Variants in GRIP1 observed in about 807,000 individuals in gnomAD.
GRIP1 encodes glutamate receptor-interacting protein 1.
A neutral mutation model predicts 129.9 loss-of-function variants in GRIP1; 45 were observed. The ratio of observed to expected loss-of-function variants is 0.35; its 90% CI spans 0.27 to 0.44. The LOEUF is 0.44. Ranked by LOEUF, GRIP1 falls within the 20% of genes least tolerant of loss-of-function variation. The pLI is 1.00. For synonymous variants in GRIP1, 530 were observed against 520.8 expected, an observed-to-expected ratio of 1.02 and a Z score of -0.24; for missense variants, 1,196 against 1,396.8, an observed-to-expected ratio of 0.86 and a Z score of 2.29.
intron 1 of GRIP1, among the ~76,000 whole-genome samples, chr12:66,617,183 T>C (rs937415705): frequency 1.3e-5 from 2 of 150,438 alleles, no homozygotes; most frequent in Non-Finnish European, 3.0e-5. Context: ...TCCCTTTCCA[T>C]TTCAGAAAAT....
At chr12:66,807,695 C>T (rs1481992372), upstream of GRIP1, among the ~76,000 whole-genome samples, 1 of 151,982 alleles carries the variant, frequency 6.6e-6, no homozygotes, top group East Asian at 2.0e-4. Context: ...CTCTCTCTTG[C>T]TCCTGCTCTG....
intron 1 of GRIP1, among the ~76,000 whole-genome samples, chr12:66,958,602 A>G (rs1411752230): frequency 1.3e-5 from 2 of 152,160 alleles, no homozygotes; most frequent in African/African-American, 4.8e-5. Flanking sequence ...TACATTTTTG[A>G]CCTAACAATC....
At chr12:66,955,490 A>G (rs1297106356) in intron 1 of GRIP1, among the ~76,000 whole-genome samples, 1 of 146,874 alleles carries the variant, frequency 6.8e-6, no homozygotes, top group Admixed American at 6.9e-5. Context: ...ATTATAGTAT[A>G]TATTACTTTT....
intron 15 of GRIP1, among the ~76,000 whole-genome samples, chr12:66,410,050 A>C (rs1165865737): frequency 4.0e-5 from 6 of 150,876 alleles, no homozygotes; most frequent in African/African-American, 1.5e-4. Context: ...GGAGATCGAG[A>C]CCATCCCGGC....
chr12:66,945,338 T>C (rs934719088), intron 1 of GRIP1, among the ~76,000 whole-genome samples: 5 of 152,148 alleles, frequency 3.3e-5, no homozygotes, highest in African/African-American at 1.2e-4. Context: ...ACTGCTGTAA[T>C]AAACACAGAG....
chr12:66,716,285 G>T (rs1226408021), intron 1 of GRIP1, among the ~76,000 whole-genome samples: 1 of 151,802 alleles, frequency 6.6e-6, no homozygotes, highest in African/African-American at 2.4e-5. Context: ...TTTTTAATTA[G>T]CAGGAAAGAG....
chr12:66,714,913 ATCC>A (rs2035827000), intron 1 of GRIP1, among the ~76,000 whole-genome samples: 1 of 149,738 alleles, frequency 6.7e-6, no homozygotes, highest in African/African-American at 2.5e-5. Context: ...CCATCCATCC[ATCC>A]ATCCATCCAA....
At chr12:66,468,994 G>C (rs549207831) in intron 7 of GRIP1, among the ~76,000 whole-genome samples, 1 of 152,294 alleles carries the variant, frequency 6.6e-6, no homozygotes, top group African/African-American at 2.4e-5. Flanking sequence ...CCATTTGGGG[G>C]ATGCAAATAT....
chr12:66,611,267 T>C (rs1257298342), intron 1 of GRIP1, among the ~76,000 whole-genome samples: 3 of 152,186 alleles, frequency 2.0e-5, no homozygotes, highest in Admixed American at 1.3e-4. Flanking sequence ...TGATTTCAAA[T>C]GACATTTTTT....
chr12:66,667,069 T>G (rs1020251571), intron 1 of GRIP1, among the ~76,000 whole-genome samples: 1 of 152,184 alleles, frequency 6.6e-6, no homozygotes, highest in African/African-American at 2.4e-5. Context: ...CCTTTCAATC[T>G]GAAAACATGT....
chr12:66,937,793 C>T (rs758811767), intron 1 of GRIP1, among the ~76,000 whole-genome samples: 2 of 151,922 alleles, frequency 1.3e-5, no homozygotes, highest in Admixed American at 6.6e-5. Context: ...GTTGATGCTA[C>T]AATAATTGAC....
At chr12:66,467,024 G>C (rs2059305382) in intron 7 of GRIP1, among the ~76,000 whole-genome samples, 1 of 152,134 alleles carries the variant, frequency 6.6e-6, no homozygotes, top group African/African-American at 2.4e-5. Flanking sequence ...ACAATATCCA[G>C]GCCAACAACA....
chr12:66,874,399 T>TGA (rs2040347520), intron 1 of GRIP1, among the ~76,000 whole-genome samples: 1 of 150,132 alleles, frequency 6.7e-6, no homozygotes, highest in African/African-American at 2.4e-5. Context: ...AGGTTTTAGA[T>TGA]TTTTTTTTTA....
intron 1 of GRIP1, among the ~76,000 whole-genome samples, chr12:66,947,950 A>T (rs959047335): frequency 2.6e-5 from 4 of 152,160 alleles, no homozygotes; most frequent in African/African-American, 9.7e-5. Flanking sequence ...CCTCCATCAC[A>T]TATTTAGTTA....
chr12:66,478,799 T>G (rs1445282468), intron 7 of GRIP1, among the ~76,000 whole-genome samples: 1 of 152,150 alleles, frequency 6.6e-6, no homozygotes, highest in Non-Finnish European at 1.5e-5. Flanking sequence ...AAACACTGCA[T>G]GTTCTCACTC....
At chr12:66,757,077 T>G (rs2136648658) in intron 1 of GRIP1, among the ~76,000 whole-genome samples, 1 of 152,372 alleles carries the variant, frequency 6.6e-6, no homozygotes, top group South Asian at 2.1e-4. Context: ...CTTCAAGCAT[T>G]TATCATTTCT....
chr12:66,388,992 T>C (rs1232169447), intron 19 of GRIP1, among the ~76,000 whole-genome samples: 2 of 152,168 alleles, frequency 1.3e-5, no homozygotes, highest in Non-Finnish European at 2.9e-5. Flanking sequence ...GTAAGGAATG[T>C]TGCTGCAAAG....
intron 1 of GRIP1, among the ~76,000 whole-genome samples, chr12:66,671,323 T>C (rs1028024404): frequency 2.0e-5 from 3 of 152,216 alleles, no homozygotes; most frequent in African/African-American, 7.2e-5. Context: ...TCACTCTAGC[T>C]GGCTGCCATC....
At chr12:66,632,898 T>A (rs185286639) in intron 1 of GRIP1, among the ~76,000 whole-genome samples, 1 of 152,308 alleles carries the variant, frequency 6.6e-6, no homozygotes, top group African/African-American at 2.4e-5. Flanking sequence ...GAATTGGGAT[T>A]GATTCTATTT....
Sources: gnomAD v4.1 joint callset for allele counts (sites outside exome capture counted in the v4.1 genomes callset) on GRCh38, gnomAD v4.1.1 for gene constraint, MANE v1.5 for transcripts, NCBI Gene and HGNC (gene_info 2026-07-23, HGNC 2026-07-21) for gene names.